XKR6: variants seen among roughly 807,000 people sequenced by gnomAD.
The protein encoded by XKR6 is XK related 6, also known as XK-related protein 6.
XKR6 carries 22 observed loss-of-function variants against 56.7 expected under a neutral mutation model. The observed-to-expected ratio is 0.39, with a 90% confidence interval of 0.28 to 0.55. The LOEUF is 0.55. Among genes scored for constraint, XKR6 ranks in the 20% least tolerant of loss-of-function variants. XKR6 has a pLI of 0.66. For synonymous variants in XKR6, 524 were observed against 387.8 expected (o/e 1.35, Z -4.13); for missense variants, 852 against 889.0 (o/e 0.96, Z 0.53).
intron 1 of XKR6, chr8:11,123,628 T>C (rs904150992): frequency 1.8e-5 from 6 of 330,220 alleles, no homozygotes; most frequent in African/African-American, 6.5e-5. Context: ...GAGTTTAAGA[T>C]ACTTGGCTAT....
rs58774414 is a variant in XKR6 at position 10,984,732 on chromosome 8, C to CTATATATATATATATATA, written c.765-59920_765-59903dup. 2.1e-3 allele frequency among the ~76,000 whole-genome samples: 101 copies of CTATATATATATATATATA among 47,430 alleles called. 1 individual carries two copies. Among genetic ancestry groups the CTATATATATATATATATA allele is most frequent in the African/African-American group, 3.0e-3 (33 of 11,084 alleles). The allele number at this position is 47,430 out of a possible 152,430, so 31.1% of individuals were successfully genotyped here. Reference sequence around the variant, plus strand: ...TCTCTCTCTCTCTCTCTCTCTCTCTCTATATATATATATATATATATATAT... The same window carrying CTATATATATATATATATA: ...TCTCTCTCTCTCTCTCTCTCTCTCTCTATATATATATATATATATATATATATATATATATATATATAT... On this transcript the variant is annotated intron_variant, in intron 1 of 2. Transcript: ENST00000416569.
chr8:10,898,630 G>T lies in XKR6; in HGVS notation c.1248C>A (p.Ile416=). 1 of 1,614,132 alleles carries T rather than the reference G, an allele frequency of 6.2e-7. No homozygotes were observed. Among genetic ancestry groups the T allele is most frequent in the Non-Finnish European group, 8.5e-7 (1 of 1,180,030 alleles). The change falls in exon 3 of 3, where the codon ATC becomes ATA. Residue 416 remains isoleucine (I), a synonymous_variant. Transcript: ENST00000416569. The surrounding 1 kb of genome is among the most constrained non-coding windows in gnomAD (Gnocchi z 6.6). ...CGATCCCTACCACCATGTTGAAGAG[G>T]ATCTCCTCCCACTTGGACATGCAGA... ...TDFCMSKWEE[I]LFNMVVGIVY...
At position 11,178,547 on chromosome 8, in the gene XKR6, A is replaced by ATAT. The variant is rs1802779230; in HGVS notation, c.764+22028_764+22029insATA. Among the ~76,000 whole-genome samples, 654 of 88,462 alleles carry ATAT rather than the reference A, an allele frequency of 7.4e-3. 9 individuals carry two copies. Among genetic ancestry groups the ATAT allele is most frequent in the African/African-American group, 0.033 (559 of 17,180 alleles). 58.0% of individuals were successfully genotyped at this position (88,462 alleles called of 152,430 possible). A position where few individuals can be genotyped will look rare whatever the true frequency, so the allele number is the denominator to read the frequency against. ...TAAGTCCAAACATCTGAGAGGTAAA[A>ATAT]ATATATATATATATATATATATATA... On this transcript the variant is annotated intron_variant, in intron 1 of 2. Coordinates refer to ENST00000416569, the MANE Select transcript of XKR6 (RefSeq NM_173683.4).
chr8:11,000,918 A>G (rs896997249), intron 1 of XKR6, among the ~76,000 whole-genome samples: 24 of 152,150 alleles, frequency 1.6e-4, no homozygotes, highest in Admixed American at 1.6e-3. Context: ...CCAGCCATCA[A>G]CCAATGCCTA....
At chr8:11,108,606 T>G in intron 1 of XKR6, 2 of 319,708 alleles carry the variant, frequency 6.3e-6, no homozygotes, top group South Asian at 5.2e-5. Context: ...GGGCAGCCCT[T>G]TGCAGAGAGT....
At chr8:11,030,183 G>A (rs1030434716) in intron 1 of XKR6, among the ~76,000 whole-genome samples, 2 of 152,180 alleles carry the variant, frequency 1.3e-5, no homozygotes, top group Non-Finnish European at 2.9e-5. Context: ...CCCGAGTTGG[G>A]CTCATTTCCA....
chr8:11,179,116 C>A (rs909760478), intron 1 of XKR6, among the ~76,000 whole-genome samples: 4 of 150,842 alleles, frequency 2.7e-5, no homozygotes, highest in African/African-American at 9.8e-5. Flanking sequence ...ATCAGCCTCC[C>A]AAAGTGCTGG....
chr8:10,901,627 T>A (rs1800038538), intron 2 of XKR6, among the ~76,000 whole-genome samples: 1 of 152,218 alleles, frequency 6.6e-6, no homozygotes, highest in South Asian at 2.1e-4. Context: ...CGACCCATAG[T>A]AATCAGATGG....
At chr8:11,028,738 G>A (rs1798925424) in intron 1 of XKR6, among the ~76,000 whole-genome samples, 1 of 152,172 alleles carries the variant, frequency 6.6e-6, no homozygotes, top group South Asian at 2.1e-4. Context: ...CACTTAATAT[G>A]AGCTGGGAAC....
intron 1 of XKR6, among the ~76,000 whole-genome samples, chr8:11,134,928 G>A (rs1377479230): frequency 6.6e-6 from 1 of 151,818 alleles, no homozygotes; most frequent in Non-Finnish European, 1.5e-5. Flanking sequence ...AATACAGAAA[G>A]ATATTTCCAT....
intron 1 of XKR6, among the ~76,000 whole-genome samples, chr8:11,099,907 T>TAAGC (rs1371984678): frequency 3.3e-5 from 5 of 152,054 alleles, no homozygotes; most frequent in Non-Finnish European, 7.4e-5. Flanking sequence ...GATGGAGCCA[T>TAAGC]AAGCACATGG....
chr8:10,910,073 C>T (rs536812844), intron 2 of XKR6, among the ~76,000 whole-genome samples: 52 of 151,898 alleles, frequency 3.4e-4, no homozygotes, highest in Non-Finnish European at 6.0e-4. Flanking sequence ...TGATTTTGGC[C>T]TCTAGGGGAC....
chr8:11,110,840 T>C (rs1040134800), intron 1 of XKR6, among the ~76,000 whole-genome samples: 4 of 151,564 alleles, frequency 2.6e-5, no homozygotes, highest in East Asian at 3.9e-4. Context: ...CACTCAACTT[T>C]CCTTTTTTTT....
intron 1 of XKR6, among the ~76,000 whole-genome samples, chr8:11,102,018 T>G (rs925122836): frequency 6.6e-6 from 1 of 152,208 alleles, no homozygotes; most frequent in Non-Finnish European, 1.5e-5. Flanking sequence ...GAGGAGGATG[T>G]GTCCAGCAAC....
At chr8:11,187,353 A>C (rs551160332) in intron 1 of XKR6, among the ~76,000 whole-genome samples, 5 of 152,298 alleles carry the variant, frequency 3.3e-5, no homozygotes, top group African/African-American at 1.2e-4. Context: ...TATCTCCCAA[A>C]CAAGAACTTC....
intron 1 of XKR6, among the ~76,000 whole-genome samples, chr8:11,133,093 T>C (rs1800195821): frequency 6.6e-6 from 1 of 152,104 alleles, no homozygotes; most frequent in Non-Finnish European, 1.5e-5. Flanking sequence ...AGCAAATATA[T>C]GAATATAGTT....
At chr8:10,900,014 C>A (rs1468842875) in intron 2 of XKR6, among the ~76,000 whole-genome samples, 1 of 152,166 alleles carries the variant, frequency 6.6e-6, no homozygotes, top group East Asian at 1.9e-4. Flanking sequence ...CAACCCCCAA[C>A]TCCCCGTGCA....
intron 1 of XKR6, among the ~76,000 whole-genome samples, chr8:11,136,235 C>T (rs1176864836): frequency 1.3e-5 from 2 of 152,212 alleles, no homozygotes; most frequent in African/African-American, 2.4e-5. Flanking sequence ...AAATTCCTGG[C>T]CTGGCGCGGC....
At chr8:11,041,533 G>A (rs1204038073) in intron 1 of XKR6, among the ~76,000 whole-genome samples, 1 of 148,834 alleles carries the variant, frequency 6.7e-6, no homozygotes. Flanking sequence ...TCCAGCCTTG[G>A]TGACAGAGCA....
Sources: gnomAD v4.1 joint callset for allele counts (sites outside exome capture counted in the v4.1 genomes callset) on GRCh38, gnomAD v4.1.1 for gene constraint, Gnocchi (gnomAD v3.1) non-coding constraint, MANE v1.5 for transcripts, NCBI Gene and HGNC (gene_info 2026-07-23, HGNC 2026-07-21) for gene names.